The following GLIS3 variants were observed in gnomAD, a reference collection of about 807,000 sequenced individuals.
GLIS3 encodes zinc finger protein GLIS3.
In GLIS3, 53 loss-of-function variants were observed where a neutral mutation model predicts 78.6. The ratio of observed to expected loss-of-function variants is 0.67; its 90% CI spans 0.54 to 0.85. GLIS3 has a LOEUF of 0.85. Ranked by LOEUF, GLIS3 falls within the 40% of genes least tolerant of loss-of-function variation. The pLI is 0.00. For missense variants in GLIS3, 1,703 were observed against 1,231.1 expected (o/e 1.38, Z -5.74); for synonymous variants, 684 against 509.9 (o/e 1.34, Z -4.60).
chr9:4,145,711 C>A (rs1834173434), intron 2 of GLIS3, among the ~76,000 whole-genome samples: 1 of 151,994 alleles, frequency 6.6e-6, no homozygotes. Flanking sequence ...CCTTCCTCCC[C>A]TTCTCTTCCT....
chr9:4,065,949 A>T (rs144374780), intron 4 of GLIS3, among the ~76,000 whole-genome samples: 1 of 152,114 alleles, frequency 6.6e-6, no homozygotes, highest in Non-Finnish European at 1.5e-5. Flanking sequence ...GCACATAAAA[A>T]ATATGAGACT....
At chr9:3,980,694 A>G (rs1468372519) in intron 4 of GLIS3, among the ~76,000 whole-genome samples, 1 of 152,234 alleles carries the variant, frequency 6.6e-6, no homozygotes, top group Non-Finnish European at 1.5e-5. Context: ...AAGTGCAGGT[A>G]GTTCTAAACA....
At chr9:4,238,289 C>G (rs1188722571) in intron 2 of GLIS3, among the ~76,000 whole-genome samples, 1 of 152,110 alleles carries the variant, frequency 6.6e-6, no homozygotes, top group African/African-American at 2.4e-5. Context: ...CTCCCCCACC[C>G]CTAAGCTCTG....
Position 4,180,971 on chromosome 9 carries a change from G to A in GLIS3, c.389-55030C>T, listed in dbSNP as rs113554662. On this transcript the variant is annotated intron_variant, in intron 2 of 10. Coordinates refer to ENST00000381971, the MANE Select transcript of GLIS3 (RefSeq NM_001042413.2). The stretch of plus-strand genomic sequence containing the variant: ...TCCTGAATGTGACTCTATTTTGGAG[G>A]TGGGGAACAAGGGGCTAACAAATGC... 9.2e-4 allele frequency among the ~76,000 whole-genome samples: 140 copies of A among 152,300 alleles called. 1 individual carries two copies. The highest frequency in any genetic ancestry group is 3.1e-3 in the African/African-American group (130 of 41,570).
At position 4,286,542 on chromosome 9, in the gene GLIS3, G is replaced by T; in HGVS notation, c.-98-19C>A. 1 of 1,254,992 alleles carries T rather than the reference G, an allele frequency of 8.0e-7. No individual in the cohort carries two copies. Among genetic ancestry groups the T allele is most frequent in the Non-Finnish European group, 1.1e-6 (1 of 884,950 alleles). 77.7% of individuals were successfully genotyped at this position (1,254,992 alleles called of 1,614,324 possible). A position where few individuals can be genotyped will look rare whatever the true frequency, so the allele number is the denominator to read the frequency against. On this transcript the variant is annotated intron_variant, in intron 1 of 10. Coordinates refer to ENST00000381971, the MANE Select transcript of GLIS3 (RefSeq NM_001042413.2). ...TATAAGCCTGTTTAAAAAAATAAAC[G>T]CAGGCATTTTTAAAAGCAAAAATGA...
chr9:3,957,005 C>T (rs1447594984), intron 4 of GLIS3, among the ~76,000 whole-genome samples: 5 of 152,190 alleles, frequency 3.3e-5, no homozygotes, highest in African/African-American at 1.2e-4. Flanking sequence ...CCCTGGAACT[C>T]GCAGCATGGC....
chr9:4,454,168 A>G, the GLIS3 span, among the ~76,000 whole-genome samples: 51 of 150,468 alleles, frequency 3.4e-4, no homozygotes, highest in Middle Eastern at 3.5e-3. Context: ...AAAAAAAAAA[A>G]AAGAAGAAAG....
intron 4 of GLIS3, among the ~76,000 whole-genome samples, chr9:3,985,802 C>T (rs1232753552): frequency 5.3e-5 from 8 of 152,188 alleles, no homozygotes; most frequent in Non-Finnish European, 8.8e-5. Flanking sequence ...ACGTTAGAAG[C>T]ATTTTGTACA....
intron 2 of GLIS3, among the ~76,000 whole-genome samples, chr9:4,335,731 C>A (rs1817746403): frequency 1.3e-5 from 2 of 152,138 alleles, no homozygotes; most frequent in South Asian, 4.1e-4. Context: ...TAGAGGCATC[C>A]ATCCCTTTCA....
At chr9:4,368,629 G>C in the GLIS3 span, among the ~76,000 whole-genome samples, 1 of 152,184 alleles carries the variant, frequency 6.6e-6, no homozygotes, top group African/African-American at 2.4e-5. Flanking sequence ...GGGATTACAG[G>C]CGTGAGCCAC....
intron 4 of GLIS3, among the ~76,000 whole-genome samples, chr9:4,011,658 T>C (rs1822020699): frequency 6.6e-6 from 1 of 152,160 alleles, no homozygotes; most frequent in African/African-American, 2.4e-5. Flanking sequence ...CTAACCTCAC[T>C]GAATAGGAGG....
chr9:3,835,257 C>T (rs913186358), intron 9 of GLIS3, among the ~76,000 whole-genome samples: 5 of 152,186 alleles, frequency 3.3e-5, no homozygotes, highest in African/African-American at 1.2e-4. Flanking sequence ...CAGCCCCTTC[C>T]CTGCAGTAGG....
the GLIS3 span, among the ~76,000 whole-genome samples, chr9:4,384,094 G>T: frequency 6.6e-6 from 1 of 152,228 alleles, no homozygotes; most frequent in Admixed American, 6.5e-5. Flanking sequence ...TACTGAAGAA[G>T]TTGTGGCCTT....
chr9:4,302,691 C>G (rs1817121819), upstream of GLIS3, among the ~76,000 whole-genome samples: 1 of 152,174 alleles, frequency 6.6e-6, no homozygotes, highest in African/African-American at 2.4e-5. Flanking sequence ...AGTTTAGAAG[C>G]CCCAAGTTCA....
At chr9:4,317,437 A>C (rs1226014504) in intron 2 of GLIS3, among the ~76,000 whole-genome samples, 3 of 152,190 alleles carry the variant, frequency 2.0e-5, no homozygotes, top group Non-Finnish European at 4.4e-5. Context: ...CTTGAGAACC[A>C]CTGCTTTAAA....
At chr9:4,425,141 C>T in the GLIS3 span, among the ~76,000 whole-genome samples, 1 of 152,172 alleles carries the variant, frequency 6.6e-6, no homozygotes. Flanking sequence ...GGTCCCTGCT[C>T]ATCTGGAATC....
At chr9:4,275,066 T>A (rs1180478682) in intron 2 of GLIS3, among the ~76,000 whole-genome samples, 2 of 152,196 alleles carry the variant, frequency 1.3e-5, no homozygotes, top group Non-Finnish European at 2.9e-5. Flanking sequence ...AAGTCAGAAG[T>A]AGCAAATCTA....
At chr9:4,370,177 C>A in the GLIS3 span, among the ~76,000 whole-genome samples, 7 of 108,678 alleles carry the variant, frequency 6.4e-5, no homozygotes, top group African/African-American at 2.4e-4. Context: ...GAGCAAGACT[C>A]CATCTCAAAA....
intron 4 of GLIS3, among the ~76,000 whole-genome samples, chr9:4,059,829 T>TGTGTGTGTGTGTGTGTGTGAGAGTGAGA: frequency 9.9e-6 from 1 of 100,710 alleles, no homozygotes; most frequent in East Asian, 3.3e-4. Context: ...TGTGTGTGTG[T>TGTGTGTGTGTGTGTGTGTGAGAGTGAGA]GAGAGAGAGA....
Sources: allele counts gnomAD v4.1 joint callset (sites outside exome capture counted in the v4.1 genomes callset), GRCh38; gene constraint gnomAD v4.1.1; transcripts MANE v1.5; gene names NCBI Gene and HGNC (gene_info 2026-07-23, HGNC 2026-07-21).